COL27A1: variants seen among roughly 807,000 people sequenced by gnomAD.
COL27A1 encodes the protein collagen type XXVII alpha 1 chain, also known as collagen alpha-1(XXVII) chain.
Under a neutral mutation model 251.3 loss-of-function variants are expected in COL27A1, and 106 were observed. That is an observed-to-expected ratio of 0.42 (90% confidence interval 0.36 to 0.50). The LOEUF (loss-of-function observed/expected upper bound fraction) is 0.50, where lower values mean the gene tolerates loss of function less well. COL27A1 is among the 20% of genes least tolerant of loss of function. COL27A1 has a pLI of 0.00. For synonymous variants in COL27A1, 1,000 were observed against 986.3 expected (o/e 1.01, Z -0.26); for missense variants, 2,325 against 2,522.8 (o/e 0.92, Z 1.68).
chr9:114,245,548 T>A (rs1286731689), intron 23 of COL27A1, among the ~76,000 whole-genome samples: 1 of 152,206 alleles, frequency 6.6e-6, no homozygotes, highest in Non-Finnish European at 1.5e-5. Context: ...ACTTCACCTC[T>A]CTGGGCCTCA....
At chr9:114,223,383 C>T (rs948603231) in intron 14 of COL27A1, among the ~76,000 whole-genome samples, 2 of 152,178 alleles carry the variant, frequency 1.3e-5, no homozygotes, top group African/African-American at 4.8e-5. Context: ...AGGCAGGGAA[C>T]CCCATCGCTC....
chr9:114,166,047 A>G (rs1412872553), intron 2 of COL27A1, among the ~76,000 whole-genome samples: 4 of 150,494 alleles, frequency 2.7e-5, no homozygotes, highest in Admixed American at 1.3e-4. Flanking sequence ...CTGTCCATCC[A>G]TTCATTCATC....
At chr9:114,234,939 C>T (rs1031154790) in intron 16 of COL27A1, among the ~76,000 whole-genome samples, 19 of 150,950 alleles carry the variant, frequency 1.3e-4, no homozygotes, top group African/African-American at 4.4e-4. Context: ...ATTAGCTGGG[C>T]GTGGTGGCAC....
intron 34 of COL27A1, among the ~76,000 whole-genome samples, chr9:114,268,638 C>T (rs1002809189): frequency 7.9e-5 from 12 of 152,178 alleles, no homozygotes; most frequent in Non-Finnish European, 1.5e-4. Context: ...GGCTCCTTAC[C>T]GAACTCCCCC....
intron 37 of COL27A1, among the ~76,000 whole-genome samples, chr9:114,276,580 G>A (rs992451207): frequency 6.6e-6 from 1 of 152,204 alleles, no homozygotes; most frequent in African/African-American, 2.4e-5. Flanking sequence ...ACTCCAGCCT[G>A]GGCAACAGAA....
upstream of COL27A1, among the ~76,000 whole-genome samples, chr9:114,154,944 G>A (rs1487968551): frequency 6.6e-6 from 1 of 152,128 alleles, no homozygotes; most frequent in Non-Finnish European, 1.5e-5. The surrounding 1 kb of genome is among the most constrained non-coding windows in gnomAD (Gnocchi z 5.8). Flanking sequence ...GATGGGATCC[G>A]AGGGAGTTTT....
At chr9:114,247,991 T>C (rs1833259450) in intron 24 of COL27A1, among the ~76,000 whole-genome samples, 1 of 151,886 alleles carries the variant, frequency 6.6e-6, no homozygotes, top group Non-Finnish European at 1.5e-5. Context: ...TGCCAAATGC[T>C]ATCTACACAA....
intron 41 of COL27A1, among the ~76,000 whole-genome samples, chr9:114,286,779 A>C (rs1226080294): frequency 6.6e-6 from 1 of 152,182 alleles, no homozygotes; most frequent in Admixed American, 6.5e-5. Flanking sequence ...CCCAGACTAC[A>C]GTCACATTGC....
At chr9:114,288,616 T>G (rs916847888) in intron 42 of COL27A1, 86 bp from the exon 43 acceptor site, 1 of 1,549,758 alleles carries the variant, frequency 6.5e-7, no homozygotes, top group East Asian at 2.3e-5. Context: ...CCCTGAGAGC[T>G]CCGCAGAGGT....
intron 14 of COL27A1, among the ~76,000 whole-genome samples, chr9:114,229,296 A>G (rs1411376710): frequency 6.6e-6 from 1 of 152,238 alleles, no homozygotes; most frequent in African/African-American, 2.4e-5. Context: ...GAGAATCGGC[A>G]TCATCTCAGG....
chr9:114,239,101 C>T (rs1021247505), intron 19 of COL27A1, among the ~76,000 whole-genome samples: 6 of 150,270 alleles, frequency 4.0e-5, no homozygotes, highest in Admixed American at 6.6e-5. Context: ...CTGATAAGCG[C>T]GGAAGCTGAT....
chr9:114,174,466 C>T (rs1849545301), intron 3 of COL27A1, among the ~76,000 whole-genome samples: 1 of 152,132 alleles, frequency 6.6e-6, no homozygotes, highest in Non-Finnish European at 1.5e-5. Flanking sequence ...CAAATTATAG[C>T]ACAGCAGAGA....
At chr9:114,198,723 C>A (rs1433283348) in intron 7 of COL27A1, among the ~76,000 whole-genome samples, 3 of 152,130 alleles carry the variant, frequency 2.0e-5, no homozygotes, top group African/African-American at 7.2e-5. Flanking sequence ...GTTTGTTTCT[C>A]TGCCACCGCC....
intron 10 of COL27A1, 150 bp downstream of exon 10, chr9:114,206,446 G>T: frequency 3.9e-6 from 3 of 770,516 alleles, no homozygotes; most frequent in Non-Finnish European, 6.7e-6. Context: ...CAGCAGGAGG[G>T]ATGGGTGATG....
intron 2 of COL27A1, among the ~76,000 whole-genome samples, chr9:114,165,938 C>T (rs62650138): frequency 0.24 from 35,879 of 150,328 alleles, 4,447 homozygotes; most frequent in Middle Eastern, 0.36. Context: ...AGCCAGCCAT[C>T]ATCCATCCAT....
At chr9:114,232,097 G>A (rs778715920) in intron 16 of COL27A1, among the ~76,000 whole-genome samples, 4 of 152,276 alleles carry the variant, frequency 2.6e-5, no homozygotes, top group Non-Finnish European at 5.9e-5. Flanking sequence ...AGGAGCAGCT[G>A]TTGCAGCAAG....
At chr9:114,281,559 G>T (rs1411722817) in intron 37 of COL27A1, among the ~76,000 whole-genome samples, 1 of 152,252 alleles carries the variant, frequency 6.6e-6, no homozygotes, top group Non-Finnish European at 1.5e-5. Context: ...CCTACTGTGA[G>T]GAGGCTCCTC....
Position 114,169,335 on chromosome 9 carries a change from C to T in COL27A1, c.1780C>T (p.Pro594Ser), listed in dbSNP as rs1849144360. The change falls in exon 3 of 61, where the codon CCG (proline) becomes TCG (serine). Residue 594 changes from proline (P) to serine (S), a missense_variant. Physicochemically the swap from Pro to Ser is moderately conservative, Grantham distance 74. Around this residue, in one of 4 missense-constraint regions of COL27A1, gnomAD observed 1,183 missense variants for 1,144.1 expected, o/e 1.03. Coordinates refer to ENST00000356083, the MANE Select transcript of COL27A1 (RefSeq NM_032888.4). ...QQTTPALVLA[P>S]AQFLSSSPRP... ...GACCACCCCGGCCCTGGTATTGGCC[C>T]CGGCGCAATTCCTGTCCTCCAGCCC... The T allele has an allele frequency of 1.9e-6, 3 of 1,612,768 alleles. No homozygotes were observed. The Admixed American group carries it at 5.0e-5, about 27-fold the overall frequency.
chr9:114,231,099 T>C lies in COL27A1; in HGVS notation c.2487T>C (p.Gly829=). 1 of 1,613,332 alleles carries C rather than the reference T, an allele frequency of 6.2e-7. No individual in the cohort carries two copies. The highest frequency in any genetic ancestry group is 8.5e-7 in the Non-Finnish European group (1 of 1,179,658). ...PGLIGDLGVL[G]PIGYPGPKGM... Reference sequence around the variant, plus strand: ...CACAGGGTGACTTAGGAGTGTTGGGTCCGATTGGCTACCCGGGACCCAAGG... The same window carrying C: ...CACAGGGTGACTTAGGAGTGTTGGGCCCGATTGGCTACCCGGGACCCAAGG... Residue 829 remains glycine (G), a synonymous_variant, in exon 15 of 61, where the codon GGT becomes GGC. Coordinates refer to ENST00000356083, the MANE Select transcript of COL27A1 (RefSeq NM_032888.4).
Sources: gnomAD v4.1 joint callset for allele counts (sites outside exome capture counted in the v4.1 genomes callset) on GRCh38, gnomAD v4.1.1 for gene constraint, gnomAD v4.1.1 regional missense constraint, Gnocchi (gnomAD v3.1) non-coding constraint, MANE v1.5 for transcripts, NCBI Gene and HGNC (gene_info 2026-07-23, HGNC 2026-07-21) for gene names.